The following IMPACT variants were observed in gnomAD, a reference collection of about 807,000 sequenced individuals.
IMPACT encodes impact RWD domain protein.
IMPACT carries 35 observed loss-of-function variants against 47.5 expected under a neutral mutation model. The observed-to-expected ratio is 0.74, with a 90% CI of 0.56 to 0.98. IMPACT has a LOEUF of 0.98. IMPACT is among the 50% of genes least tolerant of loss of function. The pLI is 0.00. For synonymous variants in IMPACT, 118 were observed against 125.6 expected (o/e 0.94, Z 0.40); for missense variants, 373 against 394.8 (o/e 0.94, Z 0.47).
At chr18:24,432,975 T>C (rs1431620297) in intron 4 of IMPACT, among the ~76,000 whole-genome samples, 1 of 152,128 alleles carries the variant, frequency 6.6e-6, no homozygotes, top group East Asian at 1.9e-4. Context: ...TACTAAAAGA[T>C]ACCTTCCCAC....
chr18:24,445,347 A>G, intron 7 of IMPACT, 46 bp from the exon 8 acceptor site: 2 of 1,122,320 alleles, frequency 1.8e-6, no homozygotes, highest in East Asian at 2.4e-5. Context: ...TTATTTACAG[A>G]GCAAATATAA....
intron 1 of IMPACT, chr18:24,427,634 C>G: frequency 3.1e-6 from 1 of 318,500 alleles, no homozygotes; most frequent in East Asian, 7.2e-5. Context: ...TGAATGGTCA[C>G]TACAAAGTAT....
At position 24,427,920 on chromosome 18, in the gene IMPACT, A is replaced by G. The variant is rs762138696; in HGVS notation, c.38A>G (p.Asn13Ser). 5 of 1,595,884 alleles carry G rather than the reference A, an allele frequency of 3.1e-6. No homozygotes were observed. Among genetic ancestry groups the G allele is most frequent in the African/African-American group, 2.7e-5 (2 of 73,798 alleles). The stretch of plus-strand genomic sequence containing the variant: ...TTTTAAAAAATCAATTTCTTTCAGA[A>G]TGAGGAAATTGAAGCAATGGCAGCC... ...EGDAGSDQRQ[N>S]EEIEAMAAIY... The change falls in exon 2 of 11, where the codon AAT becomes AGT. Residue 13 changes from asparagine (N) to serine (S), a missense_variant and splice_region_variant. Asn to Ser is a conservative substitution (Grantham distance 46). Transcript: ENST00000284202.
chr18:24,429,599 A>G (rs1464041987), intron 3 of IMPACT: 2 of 92,000 alleles, frequency 2.2e-5, no homozygotes, highest in Non-Finnish European at 4.6e-5. Flanking sequence ...GCTTCACTTA[A>G]TTAGCCTTAA....
At chr18:24,444,580 T>C (rs777537000) in intron 7 of IMPACT, among the ~76,000 whole-genome samples, 8 of 152,224 alleles carry the variant, frequency 5.3e-5, no homozygotes, top group Non-Finnish European at 7.3e-5. Context: ...ACAGATCCTT[T>C]GTAATATGGC....
intron 5 of IMPACT, chr18:24,439,655 AAAAAG>A (rs1365277963): frequency 1.3e-5 from 2 of 151,936 alleles, no homozygotes; most frequent in Admixed American, 1.3e-4. Flanking sequence ...AAAAAAAAAA[AAAAAG>A]AATTAGCCAG....
At chr18:24,445,954 G>A (rs1909238778) in intron 8 of IMPACT, among the ~76,000 whole-genome samples, 1 of 152,070 alleles carries the variant, frequency 6.6e-6, no homozygotes, top group East Asian at 1.9e-4. Flanking sequence ...GGTTGCTTGA[G>A]ATTCTTTTTT....
At chr18:24,450,536 A>C (rs1187889571) in intron 10 of IMPACT, among the ~76,000 whole-genome samples, 2 of 152,214 alleles carry the variant, frequency 1.3e-5, no homozygotes, top group African/African-American at 4.8e-5. Context: ...CTAGATAAAT[A>C]AGGTTTCCTT....
intron 2 of IMPACT, among the ~76,000 whole-genome samples, chr18:24,428,651 C>T (rs748512314): frequency 2.0e-5 from 3 of 152,114 alleles, no homozygotes; most frequent in Non-Finnish European, 2.9e-5. Context: ...AATGGTGTTT[C>T]CTAGGATTTT....
In IMPACT at chr18:24,443,045, C is replaced by A; in HGVS notation, c.491-4C>A. The A allele has an allele frequency of 6.7e-7, 1 of 1,499,218 alleles. No individual in the cohort carries two copies. The highest frequency in any genetic ancestry group is 9.2e-7 in the Non-Finnish European group (1 of 1,089,378). 92.9% of individuals were successfully genotyped at this position (1,499,218 alleles called of 1,614,324 possible). A position where few individuals can be genotyped will look rare whatever the true frequency, so the allele number is the denominator to read the frequency against. ...AAAAAATAAAGTTTCTTTTACATTT[C>A]TAGAAGTAGAAGTAGAAGAATTACC... On this transcript the variant is annotated splice_polypyrimidine_tract_variant and splice_region_variant and intron_variant, in intron 6 of 10. Coordinates refer to ENST00000284202, the MANE Select transcript of IMPACT (RefSeq NM_018439.4).
intron 7 of IMPACT, among the ~76,000 whole-genome samples, chr18:24,445,178 C>G (rs924187786): frequency 6.6e-6 from 1 of 152,104 alleles, no homozygotes; most frequent in Non-Finnish European, 1.5e-5. Flanking sequence ...AATTAGTGCT[C>G]AAAAATACCA....
Position 24,452,520 on chromosome 18 carries a change from C to T in IMPACT, c.*1673C>T, listed in dbSNP as rs1909412586. 1 of 152,022 alleles carries T rather than the reference C, an allele frequency of 6.6e-6. No individual in the cohort carries two copies. Among genetic ancestry groups the T allele is most frequent in the Non-Finnish European group, 1.5e-5 (1 of 67,994 alleles). 9.4% of individuals were successfully genotyped at this position (152,022 alleles called of 1,614,324 possible). On this transcript the variant is annotated 3_prime_UTR_variant, in exon 11 of 11. Coordinates refer to ENST00000284202, the MANE Select transcript of IMPACT (RefSeq NM_018439.4). ...GGAAACAATGAGAAACTTACTTTTGCTCCTTTATACAGAATTATTAACTAT... is the reference window on the plus strand; with the variant it reads ...GGAAACAATGAGAAACTTACTTTTGTTCCTTTATACAGAATTATTAACTAT...
At chr18:24,448,865 C>T (rs1909310015) in intron 9 of IMPACT, among the ~76,000 whole-genome samples, 1 of 151,994 alleles carries the variant, frequency 6.6e-6, no homozygotes, top group African/African-American at 2.4e-5. Context: ...GGATTTTCTT[C>T]ATCTGTCTGG....
intron 4 of IMPACT, among the ~76,000 whole-genome samples, chr18:24,434,544 A>C (rs888820132): frequency 2.0e-5 from 3 of 152,008 alleles, no homozygotes; most frequent in African/African-American, 7.2e-5. Flanking sequence ...AGGCTGAGGC[A>C]GGCGGATCAC....
intron 4 of IMPACT, among the ~76,000 whole-genome samples, chr18:24,433,389 C>T (rs7238112): frequency 0.015 from 2,149 of 148,066 alleles, 49 homozygotes; most frequent in African/African-American, 0.05. Flanking sequence ...TTAGTAGAGA[C>T]GGGGTTTCAC....
intron 1 of IMPACT, chr18:24,427,045 C>G: frequency 5.2e-6 from 2 of 385,104 alleles, no homozygotes; most frequent in Non-Finnish European, 9.2e-6. Context: ...TAACACGCGA[C>G]TAAGCAGCTC....
intron 2 of IMPACT, among the ~76,000 whole-genome samples, chr18:24,428,489 G>C (rs1908669326): frequency 6.6e-6 from 1 of 152,146 alleles, no homozygotes; most frequent in South Asian, 2.1e-4. Context: ...GTCAGCTATG[G>C]CTTTTCTTAG....
chr18:24,447,923 A>G (rs144253037), intron 8 of IMPACT, among the ~76,000 whole-genome samples, 170 bp from the exon 9 acceptor site: 182 of 152,332 alleles, frequency 1.2e-3, no homozygotes, highest in African/African-American at 4.3e-3. Flanking sequence ...AACATACTGG[A>G]TAGTAAACCG....
Position 24,450,904 on chromosome 18 carries a change from C to T in IMPACT, c.*57C>T, listed in dbSNP as rs1380466723. On this transcript the variant is annotated 3_prime_UTR_variant, in exon 11 of 11. Transcript: ENST00000284202. Reference sequence around the variant, plus strand: ...TATAATTATATATACATTCCATAGTCATCAAGGAATATATTGTGCAGAGAG... The same window carrying T: ...TATAATTATATATACATTCCATAGTTATCAAGGAATATATTGTGCAGAGAG... 6.7e-6 allele frequency: 7 copies of T among 1,037,170 alleles called. No homozygotes were observed. The highest frequency in any genetic ancestry group is 8.9e-6 in the Non-Finnish European group (6 of 674,666). 64.2% of individuals were successfully genotyped at this position (1,037,170 alleles called of 1,614,324 possible).
Sources: gnomAD v4.1 joint callset for allele counts (sites outside exome capture counted in the v4.1 genomes callset) on GRCh38, gnomAD v4.1.1 for gene constraint, MANE v1.5 for transcripts, NCBI Gene and HGNC (gene_info 2026-07-23, HGNC 2026-07-21) for gene names.